The following OSBPL6 variants were observed in gnomAD, a reference collection of about 807,000 sequenced individuals.
OSBPL6 encodes oxysterol binding protein like 6.
In OSBPL6, 49 loss-of-function variants were observed where a neutral mutation model predicts 125.8. The observed-to-expected ratio is 0.39, with a 90% CI of 0.31 to 0.49. The LOEUF (loss-of-function observed/expected upper bound fraction) is 0.49, where lower values mean the gene tolerates loss of function less well. Among genes scored for constraint, OSBPL6 ranks in the 20% least tolerant of loss-of-function variants. OSBPL6 has a pLI of 0.88. For missense variants in OSBPL6, 986 were observed against 1,135.4 expected (o/e 0.87, Z 1.89); for synonymous variants, 394 against 391.8 (o/e 1.01, Z -0.07).
chr2:178,322,854 G>A (rs540964953), intron 3 of OSBPL6, among the ~76,000 whole-genome samples: 1 of 150,536 alleles, frequency 6.6e-6, no homozygotes, highest in East Asian at 2.0e-4. Flanking sequence ...TCTTTACAGT[G>A]ACACTCGTAT....
chr2:178,262,738 A>G (rs1482455116), intron 1 of OSBPL6, among the ~76,000 whole-genome samples: 1 of 152,188 alleles, frequency 6.6e-6, no homozygotes, highest in African/African-American at 2.4e-5. Flanking sequence ...AAGTTTCTAA[A>G]TCACTGTTTA....
chr2:178,320,550 A>AC, intron 3 of OSBPL6: 1 of 784,534 alleles, frequency 1.3e-6, no homozygotes, highest in Non-Finnish European at 2.0e-6. Context: ...TTGCTTACAT[A>AC]ATGTGTGTAA....
intron 6 of OSBPL6, 84 bp from the exon 7 acceptor site, chr2:178,332,557 G>T: frequency 1.0e-6 from 1 of 966,280 alleles, no homozygotes; most frequent in Non-Finnish European, 1.6e-6. Context: ...ATAAGTTAAA[G>T]ATTACTTTGA....
At chr2:178,337,949 C>CTTTTTTTTTCTTTTTTT (rs1689839682) in intron 9 of OSBPL6, among the ~76,000 whole-genome samples, 1 of 139,150 alleles carries the variant, frequency 7.2e-6, no homozygotes, top group African/African-American at 2.7e-5. Flanking sequence ...TCAGTATTCT[C>CTTTTTTTTTCTTTTTTT]TTTTTTTTTT....
chr2:178,282,754 C>A (rs1232282607), intron 1 of OSBPL6, among the ~76,000 whole-genome samples: 1 of 152,136 alleles, frequency 6.6e-6, no homozygotes. Context: ...CGGTTTCAAG[C>A]GATTCTCCTG....
At chr2:178,195,171 C>A (rs2088801614) in intron 1 of OSBPL6, among the ~76,000 whole-genome samples, 1 of 152,190 alleles carries the variant, frequency 6.6e-6, no homozygotes, top group Non-Finnish European at 1.5e-5. Flanking sequence ...ATCGGGGAAG[C>A]CGAGAGGAGC....
At chr2:178,386,874 A>G (rs945655059) in intron 19 of OSBPL6, among the ~76,000 whole-genome samples, 187 bp from the exon 20 acceptor site, 4 of 151,594 alleles carry the variant, frequency 2.6e-5, no homozygotes, top group Non-Finnish European at 4.4e-5. Context: ...TTGTTTGTTT[A>G]TTTTTTGGTT....
chr2:178,228,329 A>G (rs1245078810), intron 1 of OSBPL6, among the ~76,000 whole-genome samples: 1 of 152,140 alleles, frequency 6.6e-6, no homozygotes, highest in East Asian at 1.9e-4. Flanking sequence ...AGGTCAGGAG[A>G]TCGAGACCAT....
intron 3 of OSBPL6, among the ~76,000 whole-genome samples, chr2:178,314,599 AT>A (rs1452727836): frequency 1.3e-5 from 2 of 152,212 alleles, no homozygotes; most frequent in African/African-American, 2.4e-5. Flanking sequence ...ACTGGGACCA[AT>A]TTTTGTTACT....
At position 178,251,253 on chromosome 2, in the gene OSBPL6, C is replaced by T. The variant is rs1277123233; in HGVS notation, c.-350-33674C>T. 2.6e-5 allele frequency among the ~76,000 whole-genome samples: 4 copies of T among 152,116 alleles called. No homozygotes were observed. In the East Asian group the frequency reaches 7.7e-4, roughly 29 times the overall value. On this transcript the variant is annotated intron_variant, in intron 1 of 24. Transcript: ENST00000190611. ...CAGAGAGCCCACAGTGATCCCTAAT[C>T]AGGACTGAAGCCTTGCATTAGACTC...
chr2:178,269,724 T>G (rs1421256650), intron 1 of OSBPL6, among the ~76,000 whole-genome samples: 6 of 152,134 alleles, frequency 3.9e-5, no homozygotes, highest in Admixed American at 3.9e-4. Flanking sequence ...AGAGCAGGAA[T>G]AGTACCTGAT....
At chr2:178,252,124 A>G (rs1398569313) in intron 1 of OSBPL6, among the ~76,000 whole-genome samples, 1 of 74,438 alleles carries the variant, frequency 1.3e-5, no homozygotes, top group Non-Finnish European at 2.6e-5. Context: ...ATTGTTGCCA[A>G]AAAGGTATAA....
intron 3 of OSBPL6, among the ~76,000 whole-genome samples, chr2:178,311,431 C>G (rs1687260563): frequency 6.6e-6 from 1 of 152,146 alleles, no homozygotes; most frequent in South Asian, 2.1e-4. Flanking sequence ...GGCATGTTAT[C>G]TATTTGGTTT....
intron 9 of OSBPL6, 123 bp downstream of exon 9, chr2:178,336,556 T>G (rs1231818220): frequency 1.8e-6 from 2 of 1,105,588 alleles, no homozygotes; most frequent in Non-Finnish European, 2.6e-6. Flanking sequence ...TGACCTTTCC[T>G]TGCTCTTTCT....
At chr2:178,256,646 G>A (rs2091895964) in intron 1 of OSBPL6, among the ~76,000 whole-genome samples, 1 of 152,152 alleles carries the variant, frequency 6.6e-6, no homozygotes, top group Non-Finnish European at 1.5e-5. Context: ...GTTCCCGAAA[G>A]CCAATTCTTA....
intron 11 of OSBPL6, among the ~76,000 whole-genome samples, chr2:178,341,793 T>C (rs1435424721): frequency 6.6e-6 from 1 of 152,174 alleles, no homozygotes; most frequent in Non-Finnish European, 1.5e-5. Flanking sequence ...ACAGCAGAGC[T>C]TGGTCCTATC....
At chr2:178,212,513 A>T (rs922652637) in intron 1 of OSBPL6, among the ~76,000 whole-genome samples, 2 of 152,240 alleles carry the variant, frequency 1.3e-5, no homozygotes, top group Admixed American at 1.3e-4. Context: ...GGCTCTAATT[A>T]TACATAAAGA....
chr2:178,257,661 G>T (rs1291202294), intron 1 of OSBPL6, among the ~76,000 whole-genome samples: 1 of 152,126 alleles, frequency 6.6e-6, no homozygotes, highest in Non-Finnish European at 1.5e-5. Context: ...TTTTGAATAA[G>T]GTGTGCAGGG....
intron 1 of OSBPL6, among the ~76,000 whole-genome samples, chr2:178,255,904 T>C (rs985273225): frequency 1.3e-5 from 2 of 152,200 alleles, no homozygotes; most frequent in Admixed American, 6.5e-5. Context: ...AAACGTTTGG[T>C]CCAGAATCAT....
Sources: allele counts gnomAD v4.1 joint callset (sites outside exome capture counted in the v4.1 genomes callset), GRCh38; gene constraint gnomAD v4.1.1; transcripts MANE v1.5; gene names NCBI Gene and HGNC (gene_info 2026-07-23, HGNC 2026-07-21).